GDAP1: variants seen among roughly 807,000 people sequenced by gnomAD.
The protein encoded by GDAP1 is ganglioside induced differentiation associated protein 1.
A neutral mutation model predicts 40.1 loss-of-function variants in GDAP1; 34 were observed. The ratio of observed to expected loss-of-function variants is 0.85; its 90% CI spans 0.64 to 1.13. The LOEUF (loss-of-function observed/expected upper bound fraction) is 1.13. Among genes scored for constraint, GDAP1 ranks in the 50% most tolerant of loss-of-function variants. The pLI is 0.00. For missense variants in GDAP1, 374 were observed against 433.7 expected, an observed-to-expected ratio of 0.86 and a Z score of 1.22; for synonymous variants, 170 against 157.4, an observed-to-expected ratio of 1.08 and a Z score of -0.60.
intron 2 of GDAP1, among the ~76,000 whole-genome samples, chr8:74,479,690 G>T (rs1806681959): frequency 6.6e-6 from 1 of 152,146 alleles, no homozygotes; most frequent in African/African-American, 2.4e-5. Context: ...TCTCGCCTAT[G>T]TGTGTAGCCA....
At chr8:74,416,907 TTTTTTTGTTTTTTTG>T (rs1394417486) in intron 2 of GDAP1, among the ~76,000 whole-genome samples, 2 of 133,668 alleles carry the variant, frequency 1.5e-5, no homozygotes, top group South Asian at 2.5e-4. Flanking sequence ...GAAAAGTTTT[TTTTTTTGTTTTTTTG>T]TTTTTTGTTT....
chr8:74,459,818 A>T (rs1418512283), intron 2 of GDAP1, among the ~76,000 whole-genome samples: 1 of 152,244 alleles, frequency 6.6e-6, no homozygotes, highest in East Asian at 1.9e-4. Flanking sequence ...CTGAAAATGT[A>T]CAAAATTAAT....
intron 2 of GDAP1, among the ~76,000 whole-genome samples, chr8:74,471,899 T>A (rs1806561641): frequency 6.6e-6 from 1 of 152,250 alleles, no homozygotes; most frequent in South Asian, 2.1e-4. Flanking sequence ...ATACCAGAGG[T>A]TATAGAGGTT....
rs140955331 is a variant in GDAP1, at chr8:74,362,771, G to GCTCT, written c.580-157_580-154dup. 4.9e-3 allele frequency among the ~76,000 whole-genome samples: 468 copies of GCTCT among 95,524 alleles called. 18 individuals are homozygous for GCTCT. The highest frequency in any genetic ancestry group is 0.019 in the African/African-American group (442 of 23,582). 62.7% of individuals were successfully genotyped at this position (95,524 alleles called of 152,430 possible). On this transcript the variant is annotated intron_variant, in intron 4 of 5. Transcript: ENST00000220822. ...AGCTGGGATATTTCCCTTCAACTTA[G>GCTCT]CTCTCTCTCTCTCTTTTTTTTTTTT...
At chr8:74,427,696 A>G (rs1805964718) in intron 2 of GDAP1, among the ~76,000 whole-genome samples, 1 of 152,180 alleles carries the variant, frequency 6.6e-6, no homozygotes, top group African/African-American at 2.4e-5. Context: ...TGAGATAAAA[A>G]TGTAGACTGT....
rs1056928689 is a variant in GDAP1, at chr8:74,402,323, T to G, written c.165+51002T>G. 1.4e-3 allele frequency among the ~76,000 whole-genome samples: 211 copies of G among 150,416 alleles called. 22 individuals are homozygous for G. Among genetic ancestry groups the G allele is most frequent in the African/African-American group, 5.1e-3 (203 of 39,722 alleles). On this transcript the variant is annotated intron_variant, in intron 2 of 2. Coordinates refer to the GDAP1 transcript ENST00000523640. ...TGATCTCAGACAGCAGTGCTAGCAATCAGCGAGACTCCGTGGGCGTAGGAC... is the reference window on the plus strand; with the variant it reads ...TGATCTCAGACAGCAGTGCTAGCAAGCAGCGAGACTCCGTGGGCGTAGGAC...
intron 2 of GDAP1, among the ~76,000 whole-genome samples, chr8:74,445,412 A>C (rs1358831084): frequency 3.3e-5 from 5 of 152,174 alleles, no homozygotes; most frequent in African/African-American, 1.2e-4. Context: ...CAGTAAAAAG[A>C]GGAGAAGCTG....
chr8:74,476,347 G>C (rs1285288296), intron 2 of GDAP1, among the ~76,000 whole-genome samples: 1 of 152,084 alleles, frequency 6.6e-6, no homozygotes, highest in African/African-American at 2.4e-5. Flanking sequence ...TGATTATTAT[G>C]TCATCTTGTT....
At chr8:74,468,757 T>G (rs1806506679) in intron 2 of GDAP1, among the ~76,000 whole-genome samples, 1 of 152,130 alleles carries the variant, frequency 6.6e-6, no homozygotes, top group African/African-American at 2.4e-5. Flanking sequence ...GAGTGAAAAT[T>G]TACTGTCTTC....
In GDAP1 at chr8:74,404,698, G is replaced by T. The variant is rs530777792; in HGVS notation, c.165+53377G>T. Among the ~76,000 whole-genome samples the T allele has an allele frequency of 4.2e-4, 63 of 149,732 alleles. 1 individual carries two copies. The highest frequency in any genetic ancestry group is 8.5e-4 in the Admixed American group (13 of 15,232). ...GATATTGTCAGCTGATCTTTAGGGA[G>T]ACCGTTCTCTTTCCTCCATGACTTT... On this transcript the variant is annotated intron_variant, in intron 2 of 2. Coordinates refer to the GDAP1 transcript ENST00000523640.
chr8:74,415,089 C>T (rs578102807), intron 2 of GDAP1, among the ~76,000 whole-genome samples: 20 of 149,952 alleles, frequency 1.3e-4, no homozygotes, highest in Admixed American at 9.2e-4. Context: ...AGATATCCTT[C>T]CAGAGTGAAA....
chr8:74,433,179 C>A (rs1375872579), intron 2 of GDAP1, among the ~76,000 whole-genome samples: 1 of 152,192 alleles, frequency 6.6e-6, no homozygotes, highest in East Asian at 1.9e-4. Context: ...ATCATCCTAT[C>A]TAAATTAGCC....
intron 2 of GDAP1, among the ~76,000 whole-genome samples, chr8:74,420,489 T>C (rs1216780039): frequency 6.6e-6 from 1 of 152,102 alleles, no homozygotes; most frequent in Non-Finnish European, 1.5e-5. Flanking sequence ...AAGTAAAATG[T>C]TGGTGAGAAA....
chr8:74,370,842 G>T (rs1158031325), downstream of GDAP1, among the ~76,000 whole-genome samples: 3 of 152,190 alleles, frequency 2.0e-5, no homozygotes, highest in Admixed American at 6.5e-5. Context: ...ATTAATTTCA[G>T]AAAAAGTGGA....
At chr8:74,463,410 A>G (rs1011390298) in intron 2 of GDAP1, among the ~76,000 whole-genome samples, 1 of 149,280 alleles carries the variant, frequency 6.7e-6, no homozygotes, top group Non-Finnish European at 1.5e-5. Context: ...GCGGTGAGCT[A>G]TGATTACACC....
At chr8:74,480,920 G>C (rs1226431998) in intron 2 of GDAP1, among the ~76,000 whole-genome samples, 1 of 152,160 alleles carries the variant, frequency 6.6e-6, no homozygotes, top group African/African-American at 2.4e-5. Context: ...AACTTCCTGG[G>C]AATCTAAGAC....
intron 2 of GDAP1, among the ~76,000 whole-genome samples, chr8:74,354,167 T>C (rs987462189): frequency 3.3e-5 from 5 of 152,204 alleles, no homozygotes; most frequent in Non-Finnish European, 5.9e-5. Context: ...CCTCTTCAAC[T>C]ATAGACTCTC....
rs553676375 is a variant in GDAP1, at chr8:74,427,221, C to T, written c.166-61457C>T. On this transcript the variant is annotated intron_variant, in intron 2 of 2. Coordinates refer to the GDAP1 transcript ENST00000523640. ...CAGAATCAACTTCCAGATGGGTGAA[C>T]GAGGCCGTGTGATGCCAGTGCGTCC... 1.1e-3 allele frequency among the ~76,000 whole-genome samples: 172 copies of T among 152,140 alleles called. 5 individuals are homozygous for T. Among genetic ancestry groups the T allele is most frequent in the Non-Finnish European group, 4.7e-4 (32 of 68,038 alleles).
rs541666773 is a variant in GDAP1 at position 74,434,951 on chromosome 8, A to C, written c.166-53727A>C. On this transcript the variant is annotated intron_variant, in intron 2 of 2. Transcript: ENST00000523640. Reference sequence around the variant, plus strand: ...GTTGTTTTTTCTTTGGCAGAGAATGACTTTTTTGTCTGTTTTTACATTTTA... The same window carrying C: ...GTTGTTTTTTCTTTGGCAGAGAATGCCTTTTTTGTCTGTTTTTACATTTTA... Among the ~76,000 whole-genome samples the C allele has an allele frequency of 7.9e-5, 12 of 152,288 alleles. 1 individual carries two copies. Among genetic ancestry groups the C allele is most frequent in the African/African-American group, 2.9e-4 (12 of 41,568 alleles).
Sources: allele counts gnomAD v4.1 joint callset (sites outside exome capture counted in the v4.1 genomes callset), GRCh38; gene constraint gnomAD v4.1.1; transcripts MANE v1.5; gene names NCBI Gene and HGNC (gene_info 2026-07-23, HGNC 2026-07-21).